The following SLC35F4 variants were observed in gnomAD, a reference collection of about 807,000 sequenced individuals.
SLC35F4 encodes solute carrier family 35 member F4.
In SLC35F4, 24 loss-of-function variants were observed where a neutral mutation model predicts 44.2. The ratio of observed to expected loss-of-function variants is 0.54; its 90% CI spans 0.39 to 0.76. SLC35F4 has a LOEUF of 0.76. Among genes scored for constraint, SLC35F4 ranks in the 30% least tolerant of loss-of-function variants. The pLI, the probability that SLC35F4 is intolerant of heterozygous loss-of-function variation, is 0.00. For missense variants in SLC35F4, 562 were observed against 586.1 expected, an observed-to-expected ratio of 0.96 and a Z score of 0.42; for synonymous variants, 238 against 223.6, an observed-to-expected ratio of 1.06 and a Z score of -0.57.
At chr14:57,846,731 T>C (rs1276899728) in intron 1 of SLC35F4, among the ~76,000 whole-genome samples, 2 of 152,162 alleles carry the variant, frequency 1.3e-5, no homozygotes, top group African/African-American at 2.4e-5. Flanking sequence ...AATAAACTCA[T>C]GAGTTATTAA....
chr14:57,741,507 G>T (rs1451459842), intron 1 of SLC35F4, among the ~76,000 whole-genome samples: 1 of 151,122 alleles, frequency 6.6e-6, no homozygotes, highest in East Asian at 1.9e-4. Flanking sequence ...AAGATCAAAT[G>T]AATGAAATGA....
chr14:57,583,430 A>G (rs1442487373), intron 3 of SLC35F4, among the ~76,000 whole-genome samples: 1 of 152,178 alleles, frequency 6.6e-6, no homozygotes, highest in African/African-American at 2.4e-5. Context: ...TGATTAAAGG[A>G]TATCTTTTTC....
At chr14:57,918,486 T>C (rs1283433204) in intron 1 of SLC35F4, among the ~76,000 whole-genome samples, 2 of 152,196 alleles carry the variant, frequency 1.3e-5, no homozygotes, top group East Asian at 3.8e-4. Context: ...TCTGTTTAGA[T>C]TTTAACTAGT....
intron 1 of SLC35F4, among the ~76,000 whole-genome samples, chr14:57,738,839 GTA>G (rs1419521176): frequency 7.1e-6 from 1 of 140,018 alleles, no homozygotes; most frequent in African/African-American, 2.6e-5. Flanking sequence ...TATAAGTACT[GTA>G]TATATATATG....
intron 1 of SLC35F4, among the ~76,000 whole-genome samples, chr14:57,855,189 T>C (rs1247467860): frequency 3.3e-5 from 5 of 152,160 alleles, no homozygotes; most frequent in Non-Finnish European, 5.9e-5. Flanking sequence ...TCCCATTTTA[T>C]AGGAACAAAA....
chr14:57,668,673 C>T (rs1254153394), intron 1 of SLC35F4, among the ~76,000 whole-genome samples: 1 of 152,062 alleles, frequency 6.6e-6, no homozygotes, highest in Non-Finnish European at 1.5e-5. Context: ...GGGCTCTGTT[C>T]TGTTCCATTG....
rs35951590 is a variant in SLC35F4 at position 57,670,902 on chromosome 14, CTTTTTTTTTTT to C, written c.104-76789_104-76779del. On this transcript the variant is annotated intron_variant, in intron 1 of 7. Coordinates refer to ENST00000556826, the MANE Select transcript of SLC35F4 (RefSeq NM_001306087.2). ...GGAGCTTCTTGGTAACTCATTCATT[CTTTTTTTTTTT>C]TTTTTTTTTGAGACGGAGTCTTGCT... Among the ~76,000 whole-genome samples, 232 of 107,350 alleles carry C rather than the reference CTTTTTTTTTTT, an allele frequency of 2.2e-3. 4 individuals carry two copies. Among genetic ancestry groups the C allele is most frequent in the East Asian group, 4.4e-3 (16 of 3,604 alleles). 70.4% of individuals were successfully genotyped at this position (107,350 alleles called of 152,430 possible).
chr14:57,613,690 T>C (rs2071641304), intron 1 of SLC35F4, among the ~76,000 whole-genome samples: 2 of 152,238 alleles, frequency 1.3e-5, no homozygotes, highest in East Asian at 1.9e-4. Flanking sequence ...ACTTCCTGCA[T>C]AGTCTCATTA....
At chr14:57,772,601 T>G (rs977375190) in intron 1 of SLC35F4, among the ~76,000 whole-genome samples, 1 of 152,232 alleles carries the variant, frequency 6.6e-6, no homozygotes. Flanking sequence ...TTTCCACTTA[T>G]AAGTGAGGAC....
intron 1 of SLC35F4, among the ~76,000 whole-genome samples, chr14:57,653,561 C>G (rs774749188): frequency 3.9e-5 from 6 of 152,180 alleles, no homozygotes; most frequent in Non-Finnish European, 8.8e-5. Context: ...AGCTCTGGGT[C>G]TTTGACATAC....
intron 1 of SLC35F4, among the ~76,000 whole-genome samples, chr14:57,662,661 C>A (rs1274566500): frequency 6.6e-6 from 1 of 152,132 alleles, no homozygotes; most frequent in Non-Finnish European, 1.5e-5. Context: ...CCAAAATAAA[C>A]CTCTACCATT....
In SLC35F4 at chr14:57,596,859, G is replaced by A. The variant is rs763706332; in HGVS notation, c.104-2735C>T. On this transcript the variant is annotated intron_variant, in intron 1 of 7. Transcript: ENST00000556826. ...TGCCTGCTGCCAGCTGCCTCCCACT[G>A]GTCAGTTTGTGGAAGAGATCCAAGA... 13 of 1,367,398 alleles carry A rather than the reference G, an allele frequency of 9.5e-6. No homozygotes were observed. The South Asian group carries it at 1.5e-4, about 16-fold the overall frequency. 84.7% of individuals were successfully genotyped at this position (1,367,398 alleles called of 1,614,324 possible). A position where few individuals can be genotyped will look rare whatever the true frequency, so the allele number is the denominator to read the frequency against.
At position 57,771,788 on chromosome 14, in the gene SLC35F4, C is replaced by A. The variant is rs1055248945; in HGVS notation, c.103+93935G>T. On this transcript the variant is annotated intron_variant, in intron 1 of 7. Transcript: ENST00000556826. ...AAAATATTTTTTGGAGAAACAGGAT[C>A]TTTCTGTGTTGTCCAGGCTGGTTTT... is the stretch of plus-strand genomic sequence containing the variant. Among the ~76,000 whole-genome samples, 7 of 152,098 alleles carry A rather than the reference C, an allele frequency of 4.6e-5. No individual in the cohort carries two copies. In the East Asian group the frequency reaches 1.3e-3, roughly 29 times the overall value.
chr14:57,919,737 G>A (rs1889405091), intron 1 of SLC35F4, among the ~76,000 whole-genome samples: 1 of 152,176 alleles, frequency 6.6e-6, no homozygotes, highest in Non-Finnish European at 1.5e-5. Context: ...TGCAGAGAAG[G>A]CCAATGGGAA....
intron 1 of SLC35F4, among the ~76,000 whole-genome samples, chr14:57,678,458 T>C (rs1177356087): frequency 1.3e-5 from 2 of 151,882 alleles, no homozygotes; most frequent in Non-Finnish European, 2.9e-5. Flanking sequence ...GAAAATGCAT[T>C]AACTAACAAG....
intron 1 of SLC35F4, among the ~76,000 whole-genome samples, chr14:57,886,909 G>C (rs576297112): frequency 6.6e-6 from 1 of 152,140 alleles, no homozygotes; most frequent in Non-Finnish European, 1.5e-5. Context: ...CCCTAACAAG[G>C]AAGGGAGCCT....
At chr14:57,732,953 T>C (rs1192723053) in intron 1 of SLC35F4, among the ~76,000 whole-genome samples, 1 of 152,088 alleles carries the variant, frequency 6.6e-6, no homozygotes, top group African/African-American at 2.4e-5. Context: ...CTAAAGTTTT[T>C]GAAGAAAAGG....
chr14:57,602,499 AG>A (rs752075427), intron 1 of SLC35F4: 2 of 152,218 alleles, frequency 1.3e-5, no homozygotes, highest in African/African-American at 2.4e-5. Context: ...TTTGTATTGC[AG>A]TAGAATCTTT....
chr14:57,729,447 G>C (rs1235109865), intron 1 of SLC35F4, among the ~76,000 whole-genome samples: 1 of 152,190 alleles, frequency 6.6e-6, no homozygotes, highest in East Asian at 1.9e-4. Flanking sequence ...TCTTTAGTCA[G>C]CAGGTGATGA....
Sources: gnomAD v4.1 joint callset for allele counts (sites outside exome capture counted in the v4.1 genomes callset) on GRCh38, gnomAD v4.1.1 for gene constraint, MANE v1.5 for transcripts, NCBI Gene and HGNC (gene_info 2026-07-23, HGNC 2026-07-21) for gene names.